The following PCDH11X variants were observed in gnomAD, a reference collection of about 807,000 sequenced individuals.
PCDH11X encodes the protein protocadherin 11 X-linked, also known as protocadherin-11 X-linked.
A neutral mutation model predicts 53.3 loss-of-function variants in PCDH11X; 18 were observed. The observed-to-expected ratio is 0.34, with a 90% CI of 0.23 to 0.50. The LOEUF (loss-of-function observed/expected upper bound fraction) is 0.50, where lower values mean the gene tolerates loss of function less well. Among genes scored for constraint, PCDH11X ranks in the 20% least tolerant of loss-of-function variants. PCDH11X has a pLI of 0.98. For synonymous variants in PCDH11X, 279 were observed against 393.3 expected (o/e 0.71, Z 3.44); for missense variants, 570 against 1,032.4 (o/e 0.55, Z 6.14).
chrX:92,377,898 A>C lies in PCDH11X; in HGVS notation c.3145-9837A>C, dbSNP rs2917209. ...AAAATATAAAATTATATATATATAT[A>C]TCCAAAGACAATTCATCAATTTTGC... On this transcript the variant is annotated intron_variant, in intron 8 of 10. Coordinates refer to ENST00000682573, the MANE Select transcript of PCDH11X (RefSeq NM_032968.5). Among the ~76,000 whole-genome samples the C allele has an allele frequency of 6.9e-3, 737 of 106,763 alleles. 7 individuals carry two copies. Among genetic ancestry groups the C allele is most frequent in the African/African-American group, 0.024 (702 of 29,565 alleles). The allele number at this position is 106,763 out of a possible 115,157, so 92.7% of individuals were successfully genotyped here.
intron 8 of PCDH11X, among the ~76,000 whole-genome samples, chrX:92,343,682 A>C (rs952839621): frequency 7.1e-5 from 8 of 112,099 alleles, no homozygotes; most frequent in Non-Finnish European, 1.3e-4. Flanking sequence ...GTATTTCAAA[A>C]AATACATTGT....
chrX:92,126,750 T>C (rs1181919044), intron 6 of PCDH11X, among the ~76,000 whole-genome samples: 1 of 107,083 alleles, frequency 9.3e-6, no homozygotes, highest in Non-Finnish European at 1.9e-5. Context: ...TTAGATTGGG[T>C]TTTGAGGGGA....
intron 5 of PCDH11X, among the ~76,000 whole-genome samples, chrX:91,843,565 G>A (rs1261103700): frequency 2.7e-5 from 3 of 110,771 alleles, no homozygotes; most frequent in Non-Finnish European, 5.7e-5. Flanking sequence ...TGATCCTCCT[G>A]CCTCGGCCTC....
intron 4 of PCDH11X, among the ~76,000 whole-genome samples, chrX:91,830,697 G>A (rs1335027783): frequency 1.8e-5 from 2 of 110,997 alleles, no homozygotes; most frequent in Non-Finnish European, 3.8e-5. Context: ...AATATATTAT[G>A]GCTGTTAAAT....
At chrX:92,525,995 T>C (rs1482457219) in intron 10 of PCDH11X, among the ~76,000 whole-genome samples, 1 of 111,617 alleles carries the variant, frequency 9.0e-6, no homozygotes, top group Non-Finnish European at 1.9e-5. Context: ...CCAGATTCCC[T>C]GTTGCTCCCT....
chrX:92,404,559 C>T (rs1443251159), intron 9 of PCDH11X, among the ~76,000 whole-genome samples: 1 of 109,804 alleles, frequency 9.1e-6, no homozygotes, highest in Non-Finnish European at 1.9e-5. Context: ...TTTATCCTTA[C>T]TGTACCTTCA....
chrX:92,390,301 G>A (rs2754893), intron 9 of PCDH11X, among the ~76,000 whole-genome samples: 3 of 109,171 alleles, frequency 2.7e-5, no homozygotes, highest in Non-Finnish European at 3.8e-5. Flanking sequence ...TGCAAGAAGC[G>A]CAATAATTTA....
chrX:92,615,122 G>A (rs1409451963), intron 10 of PCDH11X, among the ~76,000 whole-genome samples: 2 of 111,690 alleles, frequency 1.8e-5, no homozygotes, highest in African/African-American at 3.3e-5. Flanking sequence ...CTGTCTGCAT[G>A]TGTTGTGATG....
intron 10 of PCDH11X, among the ~76,000 whole-genome samples, chrX:92,478,777 A>G (rs1338072578): frequency 4.6e-5 from 5 of 108,867 alleles, no homozygotes; most frequent in Non-Finnish European, 9.5e-5. Flanking sequence ...TTTGCTGAGT[A>G]GTGTTTTGTG....
rs751146749 is a variant in PCDH11X at position 91,842,922 on chromosome X, A to G, written c.540+6878A>G. ...TATTTTATGTAGAGTATTATCATGA[A>G]TATTTCTCATCCTTTTACTTATTTT... On this transcript the variant is annotated intron_variant, in intron 5 of 10. Coordinates refer to ENST00000682573, the MANE Select transcript of PCDH11X (RefSeq NM_032968.5). Among the ~76,000 whole-genome samples the G allele has an allele frequency of 2.6e-4, 26 of 99,477 alleles. No individual in the cohort carries two copies. The East Asian group carries it at 7.9e-3, about 30-fold the overall frequency. The allele number at this position is 99,477 out of a possible 115,157, so 86.4% of individuals were successfully genotyped here. A position where few individuals can be genotyped will look rare whatever the true frequency, so the allele number is the denominator to read the frequency against.
intron 9 of PCDH11X, among the ~76,000 whole-genome samples, chrX:92,421,650 C>T (rs1232606316): frequency 8.1e-5 from 9 of 111,729 alleles, no homozygotes; most frequent in South Asian, 3.7e-4. Flanking sequence ...CTGGGTCAAA[C>T]GGTAATTCTA....
At chrX:92,547,643 CG>C (rs1324394884) in intron 10 of PCDH11X, among the ~76,000 whole-genome samples, 3 of 110,821 alleles carry the variant, frequency 2.7e-5, no homozygotes, top group Non-Finnish European at 1.9e-5. Context: ...TTTTTCCTGT[CG>C]AGGCCTTTAA....
intron 6 of PCDH11X, among the ~76,000 whole-genome samples, chrX:91,997,702 T>C (rs890999521): frequency 1.4e-4 from 16 of 111,375 alleles, no homozygotes; most frequent in Non-Finnish European, 1.3e-4. Flanking sequence ...TGTCTGGATT[T>C]GGTAACAGGG....
intron 10 of PCDH11X, among the ~76,000 whole-genome samples, chrX:92,617,758 A>G (rs1928142653): frequency 9.0e-6 from 1 of 111,277 alleles, no homozygotes; most frequent in South Asian, 3.7e-4. Context: ...TTTTGAAATA[A>G]TTATGACTAT....
intron 9 of PCDH11X, chrX:92,460,328 G>C: frequency 1.2e-6 from 1 of 856,903 alleles, no homozygotes; most frequent in Non-Finnish European, 1.7e-6. Context: ...GAAGTAAAAG[G>C]CCTACAAGCC....
chrX:92,277,432 G>A (rs182807959), intron 8 of PCDH11X, among the ~76,000 whole-genome samples: 6 of 110,713 alleles, frequency 5.4e-5, no homozygotes, highest in African/African-American at 1.6e-4. Context: ...TAGGTCGGGT[G>A]TGAGTTGAAG....
chrX:92,439,662 G>A (rs998082775), intron 9 of PCDH11X, among the ~76,000 whole-genome samples: 26 of 109,147 alleles, frequency 2.4e-4, no homozygotes, highest in Non-Finnish European at 4.2e-4. Context: ...CTTCTTGAGA[G>A]TTCAGGTTTA....
At chrX:92,386,658 C>T (rs1165298124) in intron 8 of PCDH11X, among the ~76,000 whole-genome samples, 1 of 109,400 alleles carries the variant, frequency 9.1e-6, no homozygotes, top group Non-Finnish European at 1.9e-5. Flanking sequence ...ATGGATTCTT[C>T]ATGTACATAT....
rs1257133888 is a variant in PCDH11X at position 92,125,338 on chromosome X, C to T, written c.3034-76037C>T. Among the ~76,000 whole-genome samples the T allele has an allele frequency of 8.9e-5, 10 of 111,772 alleles. 1 individual carries two copies. Among genetic ancestry groups the T allele is most frequent in the East Asian group, 5.7e-4 (2 of 3,529 alleles). The stretch of plus-strand genomic sequence containing the variant: ...AAAGGTCTCAAAAATTTGACATTGC[C>T]GCAGGCATACTCTTCCATATCCAAA... On this transcript the variant is annotated intron_variant, in intron 6 of 10. Coordinates refer to ENST00000682573, the MANE Select transcript of PCDH11X (RefSeq NM_032968.5).
Sources: gnomAD v4.1 joint callset for allele counts (sites outside exome capture counted in the v4.1 genomes callset) on GRCh38, gnomAD v4.1.1 for gene constraint, MANE v1.5 for transcripts, NCBI Gene and HGNC (gene_info 2026-07-23, HGNC 2026-07-21) for gene names.